The following PIP4K2A variants were observed in gnomAD, a reference collection of about 807,000 sequenced individuals.
The protein encoded by PIP4K2A is phosphatidylinositol-5-phosphate 4-kinase type 2 alpha.
PIP4K2A carries 14 observed loss-of-function variants against 42.9 expected under a neutral mutation model. That is an observed-to-expected ratio of 0.33 (90% CI 0.22 to 0.51). The LOEUF (loss-of-function observed/expected upper bound fraction) is 0.51. Among genes scored for constraint, PIP4K2A ranks in the 20% least tolerant of loss-of-function variants. The pLI is 0.97. For missense variants in PIP4K2A, 434 were observed against 519.8 expected (o/e 0.83, Z 1.61); for synonymous variants, 192 against 192.2 (o/e 1.00, Z 0.01).
At chr10:22,673,541 C>A (rs1839495972) in intron 1 of PIP4K2A, among the ~76,000 whole-genome samples, 1 of 152,004 alleles carries the variant, frequency 6.6e-6, no homozygotes, top group African/African-American at 2.4e-5. Flanking sequence ...AAAAATTATT[C>A]TAATACAATT....
intron 7 of PIP4K2A, among the ~76,000 whole-genome samples, chr10:22,548,835 C>A (rs1426149588): frequency 6.6e-6 from 1 of 151,550 alleles, no homozygotes; most frequent in African/African-American, 2.4e-5. Flanking sequence ...TGCTTGAGGC[C>A]AGGAGTTCAA....
At chr10:22,640,516 C>T (rs554470008) in intron 1 of PIP4K2A, among the ~76,000 whole-genome samples, 2 of 152,126 alleles carry the variant, frequency 1.3e-5, no homozygotes, top group African/African-American at 2.4e-5. Context: ...CAAGACCCAC[C>T]GCCCCACAAA....
intron 4 of PIP4K2A, among the ~76,000 whole-genome samples, chr10:22,574,444 G>GTGTT (rs1554796779): frequency 1.3e-3 from 180 of 142,362 alleles, no homozygotes; most frequent in African/African-American, 4.2e-3. Flanking sequence ...TTCATTTTCT[G>GTGTT]TTTTTTTTTT....
rs116058952 is a variant in PIP4K2A at position 22,640,132 on chromosome 10, T to A, written c.145-30415A>T. Among the ~76,000 whole-genome samples, 279 of 151,976 alleles carry A rather than the reference T, an allele frequency of 1.8e-3. 1 individual carries two copies. Among genetic ancestry groups the A allele is most frequent in the African/African-American group, 6.3e-3 (261 of 41,436 alleles). Reference sequence around the variant, plus strand: ...TTGAAAGCTATGAGTTAAACAGGTGTTTTGAATGATCACTTTTATTAAAAC... The same window carrying A: ...TTGAAAGCTATGAGTTAAACAGGTGATTTGAATGATCACTTTTATTAAAAC... On this transcript the variant is annotated intron_variant, in intron 1 of 9. Transcript: ENST00000376573.
At chr10:22,609,823 C>G (rs1327227452) in intron 1 of PIP4K2A, 106 bp from the exon 2 acceptor site, 3 of 649,364 alleles carry the variant, frequency 4.6e-6, no homozygotes, top group Non-Finnish European at 7.9e-6. Context: ...ACAGGAACTT[C>G]TCTTCCCACC....
At chr10:22,688,058 T>C (rs997177483) in intron 1 of PIP4K2A, among the ~76,000 whole-genome samples, 1 of 152,148 alleles carries the variant, frequency 6.6e-6, no homozygotes, top group African/African-American at 2.4e-5. Context: ...AAGTACACCA[T>C]AGGTCAAATC....
At chr10:22,570,601 C>T (rs3793753) in intron 5 of PIP4K2A, among the ~76,000 whole-genome samples, 113,913 of 152,124 alleles carry the variant, frequency 0.75, 43,402 homozygotes, top group South Asian at 0.9. Flanking sequence ...GAGACAAGCC[C>T]AGACCATTTC....
rs1564459888 is a variant in PIP4K2A at position 22,664,092 on chromosome 10, T to TATATATAC, written c.144+50090_144+50091insGTATATAT. 5.2e-4 allele frequency among the ~76,000 whole-genome samples: 33 copies of TATATATAC among 62,894 alleles called. 2 individuals are homozygous for TATATATAC. The highest frequency in any genetic ancestry group is 3.7e-3 in the African/African-American group (31 of 8,460). 41.3% of individuals were successfully genotyped at this position (62,894 alleles called of 152,430 possible). On this transcript the variant is annotated intron_variant, in intron 1 of 9. Coordinates refer to ENST00000376573, the MANE Select transcript of PIP4K2A (RefSeq NM_005028.5). ...ATATATATACGTATATATATATACATATATATATATACATATATATATACA... is the reference window on the plus strand; with the variant it reads ...ATATATATACGTATATATATATACATATATATACATATATATATACATATATATATACA...
intron 9 of PIP4K2A, chr10:22,539,763 C>G (rs139309977): frequency 1.7e-6 from 1 of 571,574 alleles, no homozygotes; most frequent in Admixed American, 3.0e-5. Context: ...CTGTATCTTA[C>G]GCTCAGAACA....
At chr10:22,594,012 G>A (rs939602831) in intron 3 of PIP4K2A, among the ~76,000 whole-genome samples, 5 of 152,178 alleles carry the variant, frequency 3.3e-5, no homozygotes, top group Admixed American at 6.5e-5. Context: ...CATAGTCAGT[G>A]CATCTCAAAC....
At chr10:22,599,033 A>C (rs1029825703) in intron 3 of PIP4K2A, among the ~76,000 whole-genome samples, 2 of 152,090 alleles carry the variant, frequency 1.3e-5, no homozygotes, top group Admixed American at 1.3e-4. Flanking sequence ...AACAACAGCC[A>C]AAATCAACTT....
rs1412877667 is a variant in PIP4K2A at position 22,537,188 on chromosome 10, G to C, written c.*13C>G. 6.3e-7 allele frequency: 1 copy of C among 1,591,180 alleles called. No individual in the cohort carries two copies. Among genetic ancestry groups the C allele is most frequent in the Non-Finnish European group, 8.6e-7 (1 of 1,164,806 alleles). On this transcript the variant is annotated 3_prime_UTR_variant, in exon 10 of 10. Coordinates refer to ENST00000376573, the MANE Select transcript of PIP4K2A (RefSeq NM_005028.5). ...CATCCAATGTTCATGTCTGTCCGAG[G>C]CTGCGCAGGAGGTTACGTCAAGATG...
At chr10:22,698,966 A>G (rs1408177445) in intron 1 of PIP4K2A, among the ~76,000 whole-genome samples, 2 of 152,262 alleles carry the variant, frequency 1.3e-5, no homozygotes, top group African/African-American at 4.8e-5. Flanking sequence ...TAATAAAAAT[A>G]TTCACTATTG....
chr10:22,622,981 C>A (rs577034538), intron 1 of PIP4K2A, among the ~76,000 whole-genome samples: 5 of 152,218 alleles, frequency 3.3e-5, no homozygotes, highest in Admixed American at 6.5e-5. Flanking sequence ...TCTGCCTTGG[C>A]AGAAACTCAA....
chr10:22,689,640 G>T (rs1009363341), intron 1 of PIP4K2A, among the ~76,000 whole-genome samples: 5 of 152,118 alleles, frequency 3.3e-5, no homozygotes, highest in Non-Finnish European at 7.3e-5. Context: ...ATGGGGAGTG[G>T]TCCTGAAACC....
chr10:22,561,804 AT>A (rs1836711034), intron 6 of PIP4K2A, among the ~76,000 whole-genome samples: 2 of 151,976 alleles, frequency 1.3e-5, no homozygotes, highest in African/African-American at 4.8e-5. Flanking sequence ...AGCTCAGGCT[AT>A]CCTGTAGCCT....
chr10:22,556,271 G>A (rs1836545252), intron 6 of PIP4K2A, among the ~76,000 whole-genome samples: 1 of 151,988 alleles, frequency 6.6e-6, no homozygotes, highest in Non-Finnish European at 1.5e-5. Flanking sequence ...TCCCTGTCGT[G>A]GCGGCTCTAG....
rs1839276649 is a variant in PIP4K2A at position 22,664,104 on chromosome 10, C to CATATATATACGTAT, written c.144+50078_144+50079insATACGTATATATAT. On this transcript the variant is annotated intron_variant, in intron 1 of 9. Coordinates refer to ENST00000376573, the MANE Select transcript of PIP4K2A (RefSeq NM_005028.5). Reference sequence around the variant, plus strand: ...ATATATATATACATATATATATATACATATATATATACATATATATATATA... The same window carrying CATATATATACGTAT: ...ATATATATATACATATATATATATACATATATATACGTATATATATATATACATATATATATATA... Among the ~76,000 whole-genome samples, 3 of 50,374 alleles carry CATATATATACGTAT rather than the reference C, an allele frequency of 6.0e-5. No homozygotes were observed. The African/African-American group carries it at 7.2e-4, about 12-fold the overall frequency. 33.0% of individuals were successfully genotyped at this position (50,374 alleles called of 152,430 possible).
At chr10:22,560,057 G>A (rs931011615) in intron 6 of PIP4K2A, among the ~76,000 whole-genome samples, 11 of 152,166 alleles carry the variant, frequency 7.2e-5, no homozygotes, top group African/African-American at 2.4e-4. Flanking sequence ...CCCTGCTTCT[G>A]CCCTAGTGGG....
Sources: gnomAD v4.1 joint callset for allele counts (sites outside exome capture counted in the v4.1 genomes callset) on GRCh38, gnomAD v4.1.1 for gene constraint, MANE v1.5 for transcripts, NCBI Gene and HGNC (gene_info 2026-07-23, HGNC 2026-07-21) for gene names.